CREB5: variants seen among roughly 807,000 people sequenced by gnomAD.
CREB5 encodes the protein cAMP responsive element binding protein 5, also known as cyclic AMP-responsive element-binding protein 5.
In CREB5, 19 loss-of-function variants were observed where a neutral mutation model predicts 57.1. The ratio of observed to expected loss-of-function variants is 0.33; its 90% CI spans 0.23 to 0.49. CREB5 has a LOEUF of 0.49. Ranked by LOEUF, CREB5 falls within the 20% of genes least tolerant of loss-of-function variation. CREB5 has a pLI of 0.99. For missense variants in CREB5, 579 were observed against 671.6 expected (o/e 0.86, Z 1.52); for synonymous variants, 238 against 238.3 (o/e 1.00, Z 0.01).
chr7:28,506,301 TTATAA>T (rs761674347), intron 3 of CREB5, among the ~76,000 whole-genome samples: 1 of 152,256 alleles, frequency 6.6e-6, no homozygotes, highest in Admixed American at 6.5e-5. Context: ...TTCTAGTTTC[TTATAA>T]TATAGGAATT....
At chr7:28,492,759 T>C (rs1370420773) in intron 2 of CREB5, among the ~76,000 whole-genome samples, 5 of 148,726 alleles carry the variant, frequency 3.4e-5, no homozygotes, top group Admixed American at 6.7e-5. Context: ...ATAGTGTATA[T>C]ATAAAATATA....
At chr7:28,366,828 C>T (rs531713235) in intron 1 of CREB5, among the ~76,000 whole-genome samples, 51 of 152,252 alleles carry the variant, frequency 3.3e-4, no homozygotes, top group African/African-American at 1.0e-3. Flanking sequence ...GTTTTCTTTT[C>T]ATGTCTAGGA....
rs1051141411 is a variant in CREB5 at position 28,656,529 on chromosome 7, G to A, written c.465-62224G>A. On this transcript the variant is annotated intron_variant, in intron 5 of 10. Transcript: ENST00000357727. ...ATCAGATTATTATCATAGCAGCATCGTGTATAAATGATCCAAAGCCTGAAT... is the reference window on the plus strand; with the variant it reads ...ATCAGATTATTATCATAGCAGCATCATGTATAAATGATCCAAAGCCTGAAT... Among the ~76,000 whole-genome samples the A allele has an allele frequency of 8.5e-5, 13 of 152,248 alleles. No homozygotes were observed. The South Asian group carries it at 1.0e-3, about 12-fold the overall frequency.
intron 7 of CREB5, among the ~76,000 whole-genome samples, chr7:28,803,025 T>G (rs1028122186): frequency 6.6e-6 from 1 of 152,230 alleles, no homozygotes; most frequent in Non-Finnish European, 1.5e-5. Flanking sequence ...ACACAGAAGA[T>G]AAGAGAAGAA....
chr7:28,494,318 A>C (rs1034193626), intron 2 of CREB5, among the ~76,000 whole-genome samples: 1 of 152,228 alleles, frequency 6.6e-6, no homozygotes, highest in East Asian at 1.9e-4. Flanking sequence ...CATTCATTTA[A>C]ACACTTATTT....
intron 4 of CREB5, among the ~76,000 whole-genome samples, chr7:28,522,057 T>C (rs1166461018): frequency 1.3e-5 from 2 of 152,220 alleles, no homozygotes; most frequent in East Asian, 3.8e-4. Flanking sequence ...GTTTTGTTTA[T>C]ATTATCCCCG....
chr7:28,464,534 T>C (rs969414210), intron 1 of CREB5, among the ~76,000 whole-genome samples: 20 of 150,578 alleles, frequency 1.3e-4, no homozygotes, highest in African/African-American at 3.7e-4. Context: ...TGTGTGTGTG[T>C]GTGTTACTAA....
intron 4 of CREB5, among the ~76,000 whole-genome samples, chr7:28,510,113 G>A (rs1792641464): frequency 6.6e-6 from 1 of 152,178 alleles, no homozygotes; most frequent in Non-Finnish European, 1.5e-5. Flanking sequence ...GGGAAATGAG[G>A]AGTAGGAATA....
intron 5 of CREB5, among the ~76,000 whole-genome samples, chr7:28,604,019 T>C (rs1797024213): frequency 6.6e-6 from 1 of 152,174 alleles, no homozygotes; most frequent in African/African-American, 2.4e-5. Context: ...CCTCCGCATC[T>C]GTGTGACACT....
intron 4 of CREB5, among the ~76,000 whole-genome samples, chr7:28,531,251 A>G (rs1388219444): frequency 6.6e-6 from 1 of 152,058 alleles, no homozygotes; most frequent in Non-Finnish European, 1.5e-5. Flanking sequence ...GAACAACAGA[A>G]ATGTGTTGCC....
At chr7:28,306,565 T>G (rs1475038320) in intron 1 of CREB5, among the ~76,000 whole-genome samples, 1 of 94,906 alleles carries the variant, frequency 1.1e-5, no homozygotes, top group African/African-American at 4.2e-5. Flanking sequence ...GTTTTTTTTT[T>G]TTTTTTTTTT....
intron 4 of CREB5, among the ~76,000 whole-genome samples, chr7:28,548,562 A>C (rs1413217680): frequency 6.6e-6 from 1 of 152,188 alleles, no homozygotes; most frequent in African/African-American, 2.4e-5. Context: ...AAACATGCAG[A>C]AATATCTGGC....
At chr7:28,638,454 C>T (rs1198783394) in intron 5 of CREB5, among the ~76,000 whole-genome samples, 2 of 152,024 alleles carry the variant, frequency 1.3e-5, no homozygotes, top group Non-Finnish European at 2.9e-5. Flanking sequence ...TCAAGCAATT[C>T]TCCCACCTCA....
At chr7:28,407,790 T>G (rs538020229), upstream of CREB5, among the ~76,000 whole-genome samples, 1 of 152,284 alleles carries the variant, frequency 6.6e-6, no homozygotes, top group Admixed American at 6.5e-5. Flanking sequence ...AGCTCTTCCA[T>G]TTAGTATGTC....
In CREB5 at chr7:28,821,126, ATG is replaced by A. The variant is rs35688232; in HGVS notation, c.*1879_*1880del. On this transcript the variant is annotated 3_prime_UTR_variant, in exon 11 of 11. Transcript: ENST00000357727. ...CTCCATTTGAATGCTTGACCTCTTA[ATG>A]TGTGTGTGTGTGTGTGTGTGTGTGT... The A allele has an allele frequency of 1.9e-3, 284 of 146,372 alleles. No individual in the cohort carries two copies. Among genetic ancestry groups the A allele is most frequent in the East Asian group, 6.3e-3 (31 of 4,904 alleles). 9.1% of individuals were successfully genotyped at this position (146,372 alleles called of 1,614,324 possible).
chr7:28,557,775 C>A (rs1794935031), intron 4 of CREB5, among the ~76,000 whole-genome samples: 1 of 152,156 alleles, frequency 6.6e-6, no homozygotes, highest in East Asian at 1.9e-4. Context: ...CTCCTGTGTG[C>A]TCACAGAATA....
intron 1 of CREB5, among the ~76,000 whole-genome samples, chr7:28,315,348 G>GA (rs1193104958): frequency 2.0e-5 from 3 of 152,116 alleles, no homozygotes; most frequent in African/African-American, 7.2e-5. Context: ...TATTTTTTCG[G>GA]AAAAAGTCAC....
intron 5 of CREB5, among the ~76,000 whole-genome samples, chr7:28,643,759 G>GGT (rs1562545350): frequency 1.3e-5 from 1 of 77,648 alleles, no homozygotes; most frequent in Non-Finnish European, 2.5e-5. Flanking sequence ...GGTGGGGGGG[G>GGT]GCGGAAGAAA....
intron 7 of CREB5, among the ~76,000 whole-genome samples, chr7:28,775,543 C>CATATATATATATATATATATCTATATAT (rs1806572272): frequency 8.3e-6 from 1 of 120,632 alleles, no homozygotes; most frequent in Non-Finnish European, 1.7e-5. Flanking sequence ...ATTCCTTAGC[C>CATATATATATATATATATATCTATATAT]ATATATATAT....
Sources: allele counts gnomAD v4.1 joint callset (sites outside exome capture counted in the v4.1 genomes callset), GRCh38; gene constraint gnomAD v4.1.1; transcripts MANE v1.5; gene names NCBI Gene and HGNC (gene_info 2026-07-23, HGNC 2026-07-21).